RGSL1: variants seen among roughly 807,000 people sequenced by gnomAD.
RGSL1 encodes regulator of G protein signaling like 1.
In RGSL1, 97 loss-of-function variants were observed where a neutral mutation model predicts 124.7. The ratio of observed to expected loss-of-function variants is 0.78; its 90% CI spans 0.66 to 0.92. The LOEUF is 0.92. Ranked by LOEUF, RGSL1 falls within the 40% of genes least tolerant of loss-of-function variation. RGSL1 has a pLI of 0.00. For missense variants in RGSL1, 1,233 were observed against 1,288.4 expected (o/e 0.96, Z 0.66); for synonymous variants, 424 against 438.1 (o/e 0.97, Z 0.40).
At chr1:182,503,974 C>CTTTTTTTT (rs71124902) in intron 9 of RGSL1, among the ~76,000 whole-genome samples, 2 of 118,228 alleles carry the variant, frequency 1.7e-5, no homozygotes, top group East Asian at 2.6e-4. Context: ...TTTGTAATTT[C>CTTTTTTTT]TTTTTTTTTT....
chr1:182,497,267 A>ATGTG (rs368217283), intron 9 of RGSL1, among the ~76,000 whole-genome samples: 1 of 148,246 alleles, frequency 6.7e-6, no homozygotes, highest in Admixed American at 6.8e-5. Context: ...GACTGTGTGT[A>ATGTG]TGTGTGTGTG....
rs2102344014 is a variant in RGSL1 at position 182,556,105 on chromosome 1, A to G, written c.*48A>G. 6.6e-7 allele frequency: 1 copy of G among 1,511,968 alleles called. No homozygotes were observed. Among genetic ancestry groups the G allele is most frequent in the Non-Finnish European group, 8.9e-7 (1 of 1,117,762 alleles). The allele number at this position is 1,511,968 out of a possible 1,614,324, so 93.7% of individuals were successfully genotyped here. A position where few individuals can be genotyped will look rare whatever the true frequency, so the allele number is the denominator to read the frequency against. On this transcript the variant is annotated 3_prime_UTR_variant, in exon 21 of 22. Transcript: ENST00000294854. ...ATAAATCATCTCTTAGAGGCCTCCT[A>G]ACACTGACAGAAACTTTTCTGGTCA...
chr1:182,503,182 A>T (rs1345478872), intron 9 of RGSL1, among the ~76,000 whole-genome samples: 1 of 152,190 alleles, frequency 6.6e-6, no homozygotes, highest in East Asian at 1.9e-4. Context: ...GAAATCAGTT[A>T]TCGAAGAGTT....
chr1:182,493,469 G>A (rs1027198092), intron 9 of RGSL1, among the ~76,000 whole-genome samples: 3 of 152,180 alleles, frequency 2.0e-5, no homozygotes, highest in African/African-American at 7.2e-5. Context: ...AGGGATGTTT[G>A]TTAAGGAGTG....
At chr1:182,526,565 T>C (rs531735452) in intron 10 of RGSL1, among the ~76,000 whole-genome samples, 3 of 151,926 alleles carry the variant, frequency 2.0e-5, no homozygotes, top group Non-Finnish European at 4.4e-5. Flanking sequence ...TTACAGCTAC[T>C]TGGGGGCTAA....
At chr1:182,497,453 A>G (rs986158673) in intron 9 of RGSL1, among the ~76,000 whole-genome samples, 4 of 151,802 alleles carry the variant, frequency 2.6e-5, no homozygotes, top group African/African-American at 9.7e-5. Context: ...TCTCTTGAAA[A>G]TAACAACTAA....
intron 13 of RGSL1, among the ~76,000 whole-genome samples, chr1:182,532,366 C>T (rs1659236080): frequency 6.6e-6 from 1 of 152,124 alleles, no homozygotes; most frequent in Non-Finnish European, 1.5e-5. Flanking sequence ...GCTCCCTCTC[C>T]CAATCACGGC....
intron 7 of RGSL1, 62 bp from the exon 8 acceptor site, chr1:182,488,918 A>G (rs934056049): frequency 1.5e-6 from 2 of 1,362,338 alleles, no homozygotes; most frequent in Non-Finnish European, 2.0e-6. Context: ...TTATTACAAA[A>G]TTATTGCTTC....
At chr1:182,454,171 ACT>A (rs1430330747) in intron 2 of RGSL1, 131 bp downstream of exon 2, 19 of 630,096 alleles carry the variant, frequency 3.0e-5, no homozygotes, top group South Asian at 2.4e-4. Flanking sequence ...AAATAAAAAA[ACT>A]CTTTTAATTT....
chr1:182,479,644 C>A (rs556247635), intron 6 of RGSL1, among the ~76,000 whole-genome samples: 2 of 152,080 alleles, frequency 1.3e-5, no homozygotes, highest in Non-Finnish European at 2.9e-5. Context: ...CTTTACCTAA[C>A]GATAATTACT....
chr1:182,552,933 T>C (rs1660656373), intron 18 of RGSL1, among the ~76,000 whole-genome samples: 1 of 152,272 alleles, frequency 6.6e-6, no homozygotes, highest in South Asian at 2.1e-4. Context: ...AGTTTTGCTC[T>C]TGCTGCCCAG....
At chr1:182,508,840 G>A (rs1426302485) in intron 9 of RGSL1, among the ~76,000 whole-genome samples, 69 of 106,140 alleles carry the variant, frequency 6.5e-4, no homozygotes, top group Admixed American at 4.9e-3. Context: ...GCGGCCTTCC[G>A]CAGTGTTTGT....
chr1:182,537,665 C>T (rs556111475), intron 14 of RGSL1, among the ~76,000 whole-genome samples: 1 of 152,230 alleles, frequency 6.6e-6, no homozygotes, highest in South Asian at 2.1e-4. Context: ...GGCTATTCTC[C>T]ACTACTGAGG....
chr1:182,533,053 T>G (rs1659293250), intron 14 of RGSL1, among the ~76,000 whole-genome samples: 1 of 152,288 alleles, frequency 6.6e-6, no homozygotes, highest in East Asian at 1.9e-4. Context: ...AATAATTTCC[T>G]TATGTTTTTG....
chr1:182,559,454 C>T (rs1661047794), intron 21 of RGSL1, among the ~76,000 whole-genome samples: 1 of 152,322 alleles, frequency 6.6e-6, no homozygotes, highest in Middle Eastern at 3.4e-3. Flanking sequence ...AGACCTTCCT[C>T]TCTATCCCAC....
intron 21 of RGSL1, among the ~76,000 whole-genome samples, chr1:182,558,022 G>A (rs1340387719): frequency 5.3e-5 from 8 of 151,858 alleles, no homozygotes. Flanking sequence ...CAGCCAACCT[G>A]GTGTTGCCAG....
At chr1:182,465,695 T>C (rs919734282) in intron 4 of RGSL1, among the ~76,000 whole-genome samples, 3 of 152,132 alleles carry the variant, frequency 2.0e-5, no homozygotes, top group African/African-American at 7.2e-5. Flanking sequence ...AGAAAAGTCC[T>C]GGACCTGATG....
chr1:182,531,435 GTCTC>G (rs1157776987), intron 13 of RGSL1, among the ~76,000 whole-genome samples: 3 of 152,166 alleles, frequency 2.0e-5, no homozygotes, highest in Non-Finnish European at 2.9e-5. Context: ...ACTCAGGAAA[GTCTC>G]TATGGTTTGA....
chr1:182,513,408 CAT>C (rs1445070901), intron 9 of RGSL1, among the ~76,000 whole-genome samples: 4 of 152,148 alleles, frequency 2.6e-5, no homozygotes, highest in South Asian at 4.1e-4. Context: ...ATGGGTTAAA[CAT>C]GTGTATTATA....
Sources: allele counts gnomAD v4.1 joint callset (sites outside exome capture counted in the v4.1 genomes callset), GRCh38; gene constraint gnomAD v4.1.1; transcripts MANE v1.5; gene names NCBI Gene and HGNC (gene_info 2026-07-23, HGNC 2026-07-21).